The following PDGFC variants were observed in gnomAD, a reference collection of about 807,000 sequenced individuals.
PDGFC encodes the protein platelet derived growth factor C, also known as platelet-derived growth factor C.
Under a neutral mutation model 35.5 loss-of-function variants are expected in PDGFC, and 12 were observed. The observed-to-expected ratio is 0.34, with a 90% CI of 0.22 to 0.55. The LOEUF is 0.55. Among genes scored for constraint, PDGFC ranks in the 20% least tolerant of loss-of-function variants. The probability of loss-of-function intolerance (pLI) is 0.91; values close to 1 mark genes in which losing one functional copy is unlikely to be tolerated. For synonymous variants in PDGFC, 159 were observed against 148.8 expected, an observed-to-expected ratio of 1.07 and a Z score of -0.50; for missense variants, 322 against 412.4, an observed-to-expected ratio of 0.78 and a Z score of 1.90.
intron 3 of PDGFC, among the ~76,000 whole-genome samples, chr4:156,809,575 A>G (rs1731873163): frequency 6.6e-6 from 1 of 152,004 alleles, no homozygotes; most frequent in Non-Finnish European, 1.5e-5. Context: ...GCTGCTATAA[A>G]TACCATACAT....
chr4:156,939,895 C>G (rs1731766750), intron 1 of PDGFC, among the ~76,000 whole-genome samples: 1 of 152,084 alleles, frequency 6.6e-6, no homozygotes, highest in Non-Finnish European at 1.5e-5. Context: ...CAGAAGCTTA[C>G]TGTAAAGGAA....
At chr4:156,941,342 T>G (rs1006399844) in intron 1 of PDGFC, among the ~76,000 whole-genome samples, 3 of 152,126 alleles carry the variant, frequency 2.0e-5, no homozygotes, top group African/African-American at 7.2e-5. Flanking sequence ...AAATGAAATA[T>G]CCTCTTACAA....
chr4:156,926,126 T>C (rs1008309574), intron 1 of PDGFC, among the ~76,000 whole-genome samples: 2 of 151,370 alleles, frequency 1.3e-5, no homozygotes, highest in Non-Finnish European at 2.9e-5. Context: ...GTCAATAATC[T>C]TTTCTTGTCT....
At chr4:156,817,086 T>G (rs531931875) in intron 2 of PDGFC, among the ~76,000 whole-genome samples, 1 of 152,318 alleles carries the variant, frequency 6.6e-6, no homozygotes, top group Admixed American at 6.5e-5. Flanking sequence ...TGAAGAGTTC[T>G]ACTTGTGAGA....
At chr4:156,946,799 G>C (rs146707927) in intron 1 of PDGFC, among the ~76,000 whole-genome samples, 299 of 152,136 alleles carry the variant, frequency 2.0e-3, no homozygotes, top group African/African-American at 6.9e-3. Context: ...AGGCAACACA[G>C]TATCTCAATC....
At chr4:156,833,070 G>C (rs1186742664) in intron 2 of PDGFC, among the ~76,000 whole-genome samples, 2 of 152,216 alleles carry the variant, frequency 1.3e-5, no homozygotes, top group Admixed American at 1.3e-4. Flanking sequence ...GTGAATTTCT[G>C]AAGGCAAATA....
At chr4:156,911,179 T>C (rs1731030577) in intron 1 of PDGFC, among the ~76,000 whole-genome samples, 1 of 152,134 alleles carries the variant, frequency 6.6e-6, no homozygotes, top group Non-Finnish European at 1.5e-5. Context: ...AACTTGCATG[T>C]TAATGAGTGA....
intron 1 of PDGFC, among the ~76,000 whole-genome samples, chr4:156,882,281 A>G (rs1403542668): frequency 6.6e-6 from 1 of 152,218 alleles, no homozygotes; most frequent in Non-Finnish European, 1.5e-5. Flanking sequence ...ATTCTAATCA[A>G]AGAATGCTCT....
intron 2 of PDGFC, among the ~76,000 whole-genome samples, chr4:156,814,017 G>GA (rs1302325155): frequency 6.6e-6 from 1 of 152,052 alleles, no homozygotes; most frequent in African/African-American, 2.4e-5. Flanking sequence ...GTGAGTGAAG[G>GA]AATGAATACT....
At chr4:156,796,491 ATTTTTTT>A (rs35891804) in intron 3 of PDGFC, among the ~76,000 whole-genome samples, 22 of 101,600 alleles carry the variant, frequency 2.2e-4, no homozygotes, top group Admixed American at 8.9e-4. Flanking sequence ...ACCACTTTGT[ATTTTTTT>A]TTTTTTTTTT....
chr4:156,877,597 G>A (rs923933919), intron 1 of PDGFC, among the ~76,000 whole-genome samples: 32 of 152,050 alleles, frequency 2.1e-4, no homozygotes, highest in African/African-American at 7.7e-4. Context: ...AGGATTATTC[G>A]AGGCACTGTG....
At chr4:156,872,319 C>A (rs1730003546) in intron 1 of PDGFC, among the ~76,000 whole-genome samples, 1 of 152,122 alleles carries the variant, frequency 6.6e-6, no homozygotes, top group African/African-American at 2.4e-5. Context: ...AGAAGACAGG[C>A]AAACAAGACA....
At position 156,853,990 on chromosome 4, in the gene PDGFC, G is replaced by T. The variant is rs181231558; in HGVS notation, c.119-3574C>A. On this transcript the variant is annotated intron_variant, in intron 1 of 5. Coordinates refer to ENST00000502773, the MANE Select transcript of PDGFC (RefSeq NM_016205.3). Reference sequence around the variant, plus strand: ...AAATAAAAAAGCAAAACATTAAAAAGAAAGTAATAATCATAAACTCTTGAA... The same window carrying T: ...AAATAAAAAAGCAAAACATTAAAAATAAAGTAATAATCATAAACTCTTGAA... Among the ~76,000 whole-genome samples the T allele has an allele frequency of 2.3e-3, 350 of 152,194 alleles. 2 individuals are homozygous for T. The highest frequency in any genetic ancestry group is 6.8e-3 in the Middle Eastern group (2 of 294).
rs969240001 is a variant in PDGFC, at chr4:156,810,996, C to G, written c.336G>C (p.Glu112Asp). 28 of 1,579,998 alleles carry G rather than the reference C, an allele frequency of 1.8e-5. No homozygotes were observed. Among genetic ancestry groups the G allele is most frequent in the Non-Finnish European group, 2.2e-5 (26 of 1,166,374 alleles). ...CTAATATAGTTCCATCACTGGGTTC[C>G]TCAACTTCTACAAAATCATACCTGC... ...DICKYDFVEV[E>D]EPSDGTILGR... Residue 112 changes from glutamate (E) to aspartate (D), a missense_variant, in exon 3 of 6, where the codon GAG becomes GAC. This residue lies in a region of PDGFC where 202 missense variants were observed against 295.9 expected (regional missense o/e 0.68). Coordinates refer to ENST00000502773, the MANE Select transcript of PDGFC (RefSeq NM_016205.3).
intron 5 of PDGFC, among the ~76,000 whole-genome samples, chr4:156,767,017 G>T (rs1260881730): frequency 6.6e-6 from 1 of 152,054 alleles, no homozygotes; most frequent in Non-Finnish European, 1.5e-5. Flanking sequence ...GGCAGATTTT[G>T]ACTTGGTCTA....
intron 1 of PDGFC, among the ~76,000 whole-genome samples, chr4:156,878,092 T>C (rs563647447): frequency 2.1e-4 from 32 of 152,298 alleles, no homozygotes; most frequent in Admixed American, 5.2e-4. Flanking sequence ...GCATGGCACA[T>C]GGAAAGCACT....
At chr4:156,954,456 T>C (rs771181048) in intron 1 of PDGFC, among the ~76,000 whole-genome samples, 2 of 151,980 alleles carry the variant, frequency 1.3e-5, no homozygotes, top group Non-Finnish European at 2.9e-5. Context: ...ACATGAGTTA[T>C]ATCTTATGTT....
intron 2 of PDGFC, among the ~76,000 whole-genome samples, chr4:156,831,108 G>T (rs1473414007): frequency 6.6e-6 from 1 of 152,162 alleles, no homozygotes; most frequent in African/African-American, 2.4e-5. Context: ...ACTGTTGAGT[G>T]ATGGATGGAT....
intron 1 of PDGFC, among the ~76,000 whole-genome samples, chr4:156,857,966 C>A (rs1176968286): frequency 6.6e-6 from 1 of 152,046 alleles, no homozygotes; most frequent in African/African-American, 2.4e-5. Flanking sequence ...CTAGGTTTCT[C>A]AGTGTTGTGA....
Sources: gnomAD v4.1 joint callset for allele counts (sites outside exome capture counted in the v4.1 genomes callset) on GRCh38, gnomAD v4.1.1 for gene constraint, gnomAD v4.1.1 regional missense constraint, MANE v1.5 for transcripts, NCBI Gene and HGNC (gene_info 2026-07-23, HGNC 2026-07-21) for gene names.